The following COL6A5 variants were observed in gnomAD, a reference collection of about 807,000 sequenced individuals.
The protein encoded by COL6A5 is collagen type VI alpha 5 chain.
COL6A5 carries 48 observed loss-of-function variants against 65.6 expected under a neutral mutation model. The observed-to-expected ratio is 0.73, with a 90% CI of 0.58 to 0.93. COL6A5 has a LOEUF of 0.93. Ranked by LOEUF, COL6A5 falls within the 40% of genes least tolerant of loss-of-function variation. The pLI is 0.00. For missense variants in COL6A5, 914 were observed against 928.3 expected, an observed-to-expected ratio of 0.98 and a Z score of 0.20; for synonymous variants, 291 against 322.8, an observed-to-expected ratio of 0.90 and a Z score of 1.05.
chr3:130,429,541 G>GT (rs1483578302), upstream of COL6A5: 1 of 1,539,214 alleles, frequency 6.5e-7, no homozygotes, highest in Non-Finnish European at 8.8e-7. Flanking sequence ...TTTCAAGAAG[G>GT]TAACAAACTT....
intron 1 of COL6A5, among the ~76,000 whole-genome samples, chr3:130,433,570 C>CT (rs757396071): frequency 6.6e-6 from 1 of 152,124 alleles, no homozygotes; most frequent in Non-Finnish European, 1.5e-5. Context: ...GCCTTGCACT[C>CT]TTCTCCACTC....
intron 8 of COL6A5, among the ~76,000 whole-genome samples, chr3:130,395,708 T>C (rs1182665774): frequency 1.3e-5 from 2 of 152,324 alleles, no homozygotes; most frequent in East Asian, 3.9e-4. Context: ...TGTCCTCTGG[T>C]CAGCCCTGTT....
chr3:130,391,498 C>G (rs1404845305), exon 7 of COL6A5: 1 of 1,551,696 alleles, frequency 6.4e-7, no homozygotes, highest in Admixed American at 2.0e-5. Context: ...GCAGCCGCAT[C>G]AAGCAAAATG....
chr3:130,411,767 G>T (rs1444819437), intron 20 of COL6A5, among the ~76,000 whole-genome samples: 1 of 151,772 alleles, frequency 6.6e-6, no homozygotes, highest in African/African-American at 2.4e-5. Context: ...GCCAGGAGTG[G>T]TATAGGCAAT....
chr3:130,379,270 A>AT (rs1344432260), intron 3 of COL6A5, 148 bp from the exon 4 acceptor site: 3 of 766,966 alleles, frequency 3.9e-6, no homozygotes, highest in Non-Finnish European at 6.1e-6. Flanking sequence ...TAGAATTTTG[A>AT]TTTTTTGTTC....
intron 1 of COL6A5, among the ~76,000 whole-genome samples, chr3:130,434,697 G>T (rs1039288450): frequency 2.0e-5 from 3 of 152,138 alleles, no homozygotes; most frequent in Non-Finnish European, 4.4e-5. Context: ...GTGATGTTGA[G>T]CTTCTTTTCA....
At chr3:130,483,410 A>G (rs1275920874) in intron 7 of COL6A5, among the ~76,000 whole-genome samples, 2 of 152,212 alleles carry the variant, frequency 1.3e-5, no homozygotes, top group Non-Finnish European at 2.9e-5. Context: ...TAAATGCCCC[A>G]ATTAAAAGAC....
Position 130,481,907 on chromosome 3 carries a change from G to T in COL6A5, c.2329-2128G>T, listed in dbSNP as rs1033874043. The stretch of plus-strand genomic sequence containing the variant: ...TTTAATGGGGTTGTTTTTTTAAATT[G>T]TAAATTTGTTTAAGTTCCTCATAGA... On this transcript the variant is annotated intron_variant, in intron 7 of 7. Coordinates refer to ENST00000512836, the Ensembl canonical transcript of COL6A5. 4.6e-5 allele frequency among the ~76,000 whole-genome samples: 7 copies of T among 151,842 alleles called. No individual in the cohort carries two copies. The South Asian group carries it at 6.2e-4, about 14-fold the overall frequency.
At chr3:130,483,157 T>G (rs1035137494) in intron 7 of COL6A5, among the ~76,000 whole-genome samples, 2 of 152,118 alleles carry the variant, frequency 1.3e-5, no homozygotes, top group Admixed American at 6.6e-5. Flanking sequence ...AATAAAATCC[T>G]TAACAGACAA....
chr3:130,377,850 A>T lies in COL6A5; in HGVS notation c.667+1014A>T, dbSNP rs183437130. On this transcript the variant is annotated intron_variant and NMD_transcript_variant, in intron 3 of 41. Coordinates refer to the COL6A5 transcript ENST00000312481. ...TAGTAACAACCATTTGCAAATAAAT[A>T]CTAACCTGAGAAGGTCATTCTTGGA... 8.5e-5 allele frequency among the ~76,000 whole-genome samples: 13 copies of T among 152,300 alleles called. No individual in the cohort carries two copies. The East Asian group carries it at 2.5e-3, about 29-fold the overall frequency.
chr3:130,469,264 T>G, exon 6 of COL6A5: 1 of 1,613,084 alleles, frequency 6.2e-7, no homozygotes, highest in Non-Finnish European at 8.5e-7. Flanking sequence ...AAACCAACTC[T>G]TTAGACAAAG....
exon 22 of COL6A5, chr3:130,414,103 T>G: frequency 6.4e-7 from 1 of 1,550,884 alleles, no homozygotes; most frequent in Non-Finnish European, 8.7e-7. Flanking sequence ...ACAGGCACAT[T>G]GGGAGCTGAA....
chr3:130,372,850 A>T (rs1935618518), intron 1 of COL6A5, among the ~76,000 whole-genome samples: 1 of 152,192 alleles, frequency 6.6e-6, no homozygotes, highest in Admixed American at 6.6e-5. Context: ...TCTAAAAATC[A>T]GCCCTTACAC....
intron 1 of COL6A5, among the ~76,000 whole-genome samples, chr3:130,354,696 G>C (rs371207553): frequency 1.3e-5 from 2 of 152,184 alleles, no homozygotes; most frequent in Non-Finnish European, 2.9e-5. Context: ...TTCACAGCTG[G>C]TGTGCTTTGT....
chr3:130,374,293 A>G lies in COL6A5; in HGVS notation c.67+588A>G, dbSNP rs116827748. ...ACAACCTATTGCTCATAGGCTAAAA[A>G]CCTGTACTGCATGTTACTATGCTGA... On this transcript the variant is annotated intron_variant and NMD_transcript_variant, in intron 2 of 41. Coordinates refer to the COL6A5 transcript ENST00000312481. 6.1e-3 allele frequency among the ~76,000 whole-genome samples: 935 copies of G among 152,234 alleles called. 4 individuals are homozygous for G. The highest frequency in any genetic ancestry group is 0.022 in the African/African-American group (903 of 41,534).
chr3:130,350,245 G>A (rs115921406), intron 1 of COL6A5, among the ~76,000 whole-genome samples: 6 of 152,064 alleles, frequency 3.9e-5, no homozygotes, highest in Admixed American at 6.6e-5. Flanking sequence ...GGTTCTTTGC[G>A]GCACAAGACA....
At chr3:130,388,176 A>G (rs1363595602) in intron 5 of COL6A5, among the ~76,000 whole-genome samples, 1 of 152,114 alleles carries the variant, frequency 6.6e-6, no homozygotes, top group African/African-American at 2.4e-5. Flanking sequence ...TCCAGAATAT[A>G]CATAAAACCC....
At chr3:130,423,766 T>G (rs76376162) in intron 28 of COL6A5, 72 bp from the exon 29 acceptor site, 77,733 of 1,189,938 alleles carry the variant, frequency 0.065, 3,108 homozygotes, top group African/African-American at 0.14. Flanking sequence ...TTAGAAAGTC[T>G]TATCGAAACT....
chr3:130,469,350 A>G (rs1709894389), exon 6 of COL6A5: 4 of 1,612,978 alleles, frequency 2.5e-6, no homozygotes, highest in Non-Finnish European at 3.4e-6. Flanking sequence ...GGCCCTAAAC[A>G]CAATGACAAA....
Sources: gnomAD v4.1 joint callset for allele counts (sites outside exome capture counted in the v4.1 genomes callset) on GRCh38, gnomAD v4.1.1 for gene constraint, MANE v1.5 for transcripts, NCBI Gene and HGNC (gene_info 2026-07-23, HGNC 2026-07-21) for gene names.